DPT: variants seen among roughly 807,000 people sequenced by gnomAD.
DPT encodes tyrosine-rich acidic matrix protein.
DPT carries 21 observed loss-of-function variants against 31.2 expected under a neutral mutation model. The observed-to-expected ratio is 0.67, with a 90% CI of 0.48 to 0.97. The LOEUF is 0.97. DPT is among the 50% of genes least tolerant of loss of function. DPT has a pLI of 0.00. For synonymous variants in DPT, 91 were observed against 86.9 expected (o/e 1.05, Z -0.26); for missense variants, 262 against 258.8 (o/e 1.01, Z -0.08).
intron 3 of DPT, among the ~76,000 whole-genome samples, chr1:168,699,204 G>A (rs189012874): frequency 6.6e-6 from 1 of 152,156 alleles, no homozygotes; most frequent in East Asian, 1.9e-4. Flanking sequence ...TTTTCTTGTT[G>A]AGCTGAAGTC....
chr1:168,696,607 T>A lies in DPT; in HGVS notation c.548A>T (p.Gln183Leu). The A allele has an allele frequency of 6.2e-7, 1 of 1,613,734 alleles. No individual in the cohort carries two copies. Among genetic ancestry groups the A allele is most frequent in the East Asian group, 2.2e-5 (1 of 44,878 alleles). ...TTFSAVERDRQWKFIMCRMTE... is the reference protein window; with the variant it reads ...TTFSAVERDRLWKFIMCRMTE... ...CATCCGGCACATTATGAACTTCCAC[T>A]GGCGATCCCTGTGGGAGGGAGAGTC... Residue 183 changes from glutamine (Q) to leucine (L), a missense_variant, in exon 4 of 4, where the codon CAG (glutamine) becomes CTG (leucine). Physicochemically the swap from Gln to Leu is moderately radical, Grantham distance 113. Coordinates refer to ENST00000367817, the MANE Select transcript of DPT (RefSeq NM_001937.5).
chr1:168,725,772 G>T (rs1650228348), intron 1 of DPT, among the ~76,000 whole-genome samples: 2 of 152,188 alleles, frequency 1.3e-5, no homozygotes, highest in African/African-American at 4.8e-5. Context: ...TGATTAGAAA[G>T]ATTTTCTTTT....
rs1269327499 is a variant in DPT at position 168,701,053 on chromosome 1, A to T, written c.503T>A (p.Ile168Asn). ...DMISYNYDYY[I>N]RGATTTFSAV... ...AGAGAAAGTGGTTGTTGCTCCTCGG[A>T]TATAGTAATCATAATTGTAGGAAAT... Residue 168 changes from isoleucine to asparagine, a missense_variant, in exon 3 of 4, where the codon ATC (isoleucine) becomes AAC (asparagine). Transcript: ENST00000367817. The T allele has an allele frequency of 8.7e-6, 14 of 1,613,912 alleles. No individual in the cohort carries two copies. Among genetic ancestry groups the T allele is most frequent in the African/African-American group, 1.3e-5 (1 of 74,996 alleles).
chr1:168,728,198 A>G (rs780429996), intron 1 of DPT, among the ~76,000 whole-genome samples: 2 of 152,234 alleles, frequency 1.3e-5, no homozygotes, highest in Non-Finnish European at 2.9e-5. Flanking sequence ...CCCTTTAGTA[A>G]ACTATTTTCC....
chr1:168,721,894 C>T (rs1267350977), intron 1 of DPT, among the ~76,000 whole-genome samples: 4 of 152,214 alleles, frequency 2.6e-5, no homozygotes, highest in Admixed American at 2.6e-4. Context: ...CTGCTGTCTT[C>T]TCCATGTCCA....
chr1:168,706,782 T>C (rs896420975), intron 2 of DPT, among the ~76,000 whole-genome samples: 3 of 152,244 alleles, frequency 2.0e-5, no homozygotes, highest in Admixed American at 6.5e-5. Context: ...TAGAGGAAAG[T>C]CCCTGAACAC....
At chr1:168,712,013 G>A (rs1649877540) in intron 2 of DPT, among the ~76,000 whole-genome samples, 2 of 152,070 alleles carry the variant, frequency 1.3e-5, no homozygotes, top group Non-Finnish European at 2.9e-5. Flanking sequence ...TATTTTCTGG[G>A]CCACTTCACA....
At chr1:168,704,502 G>T (rs61418953) in intron 2 of DPT, among the ~76,000 whole-genome samples, 3 of 152,132 alleles carry the variant, frequency 2.0e-5, no homozygotes, top group African/African-American at 4.8e-5. Context: ...AGCTGAGATC[G>T]CGCCACTGCA....
chr1:168,714,240 T>A lies in DPT; in HGVS notation c.412A>T (p.Arg138Trp). 2 of 1,614,044 alleles carry A rather than the reference T, an allele frequency of 1.2e-6. No homozygotes were observed. Among genetic ancestry groups the A allele is most frequent in the Non-Finnish European group, 1.7e-6 (2 of 1,179,988 alleles). The change falls in exon 2 of 4, where the codon AGG becomes TGG. Residue 138 changes from arginine (R) to tryptophan (W), a missense_variant. Transcript: ENST00000367817. Reference sequence around the variant, plus strand: ...ACTCACCAGCAGGAATATGGGCACCTCTTGCTGTAGCGACAACAGTAAAAC... The same window carrying A: ...ACTCACCAGCAGGAATATGGGCACCACTTGCTGTAGCGACAACAGTAAAAC... Reference protein sequence around the residue: ...WQFYCCRYSKRCPYSCWLTTE... With the variant: ...WQFYCCRYSKWCPYSCWLTTE...
chr1:168,724,320 A>G (rs1650188586), intron 1 of DPT, among the ~76,000 whole-genome samples: 1 of 152,238 alleles, frequency 6.6e-6, no homozygotes, highest in Admixed American at 6.5e-5. Context: ...ATTGGGAATC[A>G]AAGACATAAG....
At chr1:168,728,744 T>C (rs1650306074) in intron 1 of DPT, 126 bp downstream of exon 1, 4 of 1,172,030 alleles carry the variant, frequency 3.4e-6, no homozygotes, top group Non-Finnish European at 4.8e-6. Flanking sequence ...CATGCAGTGG[T>C]GAGGTTTGGG....
At chr1:168,704,236 C>T (rs1462540838) in intron 2 of DPT, among the ~76,000 whole-genome samples, 3 of 152,114 alleles carry the variant, frequency 2.0e-5, no homozygotes, top group Admixed American at 2.0e-4. Flanking sequence ...TGAGCATTGC[C>T]ATACATTCCT....
chr1:168,707,444 G>T (rs1238255547), intron 2 of DPT, among the ~76,000 whole-genome samples: 1 of 152,114 alleles, frequency 6.6e-6, no homozygotes, highest in African/African-American at 2.4e-5. Context: ...GTAACTGAGA[G>T]GTTTACTTTG....
intron 2 of DPT, among the ~76,000 whole-genome samples, chr1:168,711,130 C>A (rs1649849672): frequency 6.6e-6 from 1 of 151,710 alleles, no homozygotes; most frequent in South Asian, 2.1e-4. Context: ...CCTGCCTCAG[C>A]CTCCTGAGTA....
chr1:168,702,207 G>GGGTTTACCA (rs1329458476), intron 2 of DPT, among the ~76,000 whole-genome samples: 10 of 152,138 alleles, frequency 6.6e-5, no homozygotes, highest in African/African-American at 2.2e-4. Context: ...CATCTGATTT[G>GGGTTTACCA]GGTTTACCAG....
At chr1:168,728,586 A>C (rs895341075) in intron 1 of DPT, among the ~76,000 whole-genome samples, 4 of 152,232 alleles carry the variant, frequency 2.6e-5, no homozygotes, top group Non-Finnish European at 5.9e-5. Flanking sequence ...GCCGACCTAC[A>C]CCAGCCCCTG....
At chr1:168,714,486 C>A in intron 1 of DPT, 140 bp from the exon 2 acceptor site, 1 of 1,095,006 alleles carries the variant, frequency 9.1e-7, no homozygotes. Context: ...AAATAATAGT[C>A]TTTATTATAT....
At chr1:168,700,900 T>G in intron 3 of DPT, 117 bp downstream of exon 3, 1 of 430,206 alleles carries the variant, frequency 2.3e-6, no homozygotes, top group South Asian at 2.7e-5. Context: ...CGTGTGTGTG[T>G]GTGTGTGGGT....
At chr1:168,727,443 C>G (rs1039180271) in intron 1 of DPT, among the ~76,000 whole-genome samples, 4 of 152,170 alleles carry the variant, frequency 2.6e-5, no homozygotes, top group Non-Finnish European at 5.9e-5. Context: ...TCCTGGCTCC[C>G]CCACCCATCG....
Sources: allele counts gnomAD v4.1 joint callset (sites outside exome capture counted in the v4.1 genomes callset), GRCh38; gene constraint gnomAD v4.1.1; transcripts MANE v1.5; gene names NCBI Gene and HGNC (gene_info 2026-07-23, HGNC 2026-07-21).